Variants in LYPD6B observed in about 807,000 individuals in gnomAD.
LYPD6B encodes the protein ly6/PLAUR domain-containing protein 6B.
Under a neutral mutation model 22.8 loss-of-function variants are expected in LYPD6B, and 17 were observed. The ratio of observed to expected loss-of-function variants is 0.75; its 90% CI spans 0.51 to 1.12. LYPD6B has a LOEUF of 1.12. Among genes scored for constraint, LYPD6B ranks in the 50% most tolerant of loss-of-function variants. The pLI, the probability that LYPD6B is intolerant of heterozygous loss-of-function variation, is 0.00. For missense variants in LYPD6B, 221 were observed against 258.3 expected, an observed-to-expected ratio of 0.86 and a Z score of 0.99; for synonymous variants, 106 against 91.6, an observed-to-expected ratio of 1.16 and a Z score of -0.90.
At chr2:149,187,441 T>C (rs1385529172) in intron 3 of LYPD6B, 2 of 1,533,770 alleles carry the variant, frequency 1.3e-6, no homozygotes, top group African/African-American at 2.8e-5. Context: ...AAAGGCATTG[T>C]ACAGAAGAAG....
intron 2 of LYPD6B, among the ~76,000 whole-genome samples, chr2:149,155,443 A>G (rs1418804717): frequency 6.6e-6 from 1 of 152,248 alleles, no homozygotes; most frequent in Non-Finnish European, 1.5e-5. Flanking sequence ...CTCCCAGCCC[A>G]TCACTGCAGC....
At chr2:149,044,827 AAT>A (rs1489119883) in intron 1 of LYPD6B, among the ~76,000 whole-genome samples, 1 of 40,412 alleles carries the variant, frequency 2.5e-5, no homozygotes, top group Non-Finnish European at 7.2e-5. Context: ...GTGGATTTTG[AAT>A]TTTATTGAAT....
Position 149,178,029 on chromosome 2 carries a change from A to T in LYPD6B, c.77+17194A>T, listed in dbSNP as rs1317408633. ...AAGTATTACTGTCCTGATTTATAGAAGAGAAAATTGAGATTCCAAGAAGTA... is the reference window on the plus strand; with the variant it reads ...AAGTATTACTGTCCTGATTTATAGATGAGAAAATTGAGATTCCAAGAAGTA... On this transcript the variant is annotated intron_variant, in intron 3 of 6. Coordinates refer to ENST00000409642, the MANE Select transcript of LYPD6B (RefSeq NM_177964.5). Among the ~76,000 whole-genome samples, 3 of 152,202 alleles carry T rather than the reference A, an allele frequency of 2.0e-5. No homozygotes were observed. In the East Asian group the frequency reaches 5.8e-4, roughly 29 times the overall value.
chr2:149,174,622 C>T (rs1007347294), intron 3 of LYPD6B, among the ~76,000 whole-genome samples: 3 of 152,118 alleles, frequency 2.0e-5, no homozygotes, highest in African/African-American at 7.2e-5. Context: ...AAGGCCTTTT[C>T]TGCATCTATT....
rs969930157 is a variant in LYPD6B, at chr2:149,159,585, T to TGTGC, written c.6-1175_6-1172dup. On this transcript the variant is annotated intron_variant, in intron 2 of 6. Transcript: ENST00000409642. ...AGAACCCTGCCCGAGAGAGCATATG[T>TGTGC]GTGCGTGTGTGTGTGTGTGTGTGTG... 3.9e-5 allele frequency among the ~76,000 whole-genome samples: 4 copies of TGTGC among 102,212 alleles called. No homozygotes were observed. The South Asian group carries it at 1.1e-3, about 28-fold the overall frequency. The allele number at this position is 102,212 out of a possible 152,430, so 67.1% of individuals were successfully genotyped here.
chr2:149,096,054 GAC>G (rs751658487), intron 1 of LYPD6B, among the ~76,000 whole-genome samples: 7 of 152,134 alleles, frequency 4.6e-5, no homozygotes, highest in Non-Finnish European at 8.8e-5. Flanking sequence ...GAGAGACAGA[GAC>G]ACACACAGAG....
intron 1 of LYPD6B, among the ~76,000 whole-genome samples, chr2:149,051,255 T>C (rs1174504747): frequency 6.6e-5 from 10 of 151,950 alleles, no homozygotes; most frequent in African/African-American, 2.4e-5. Context: ...AAGCTCCGCC[T>C]CCTGGGTTCA....
chr2:149,207,443 A>G lies in LYPD6B; in HGVS notation c.230-871A>G, dbSNP rs147535384. Among the ~76,000 whole-genome samples, 69 of 152,144 alleles carry G rather than the reference A, an allele frequency of 4.5e-4. 1 individual carries two copies. The highest frequency in any genetic ancestry group is 1.4e-3 in the African/African-American group (59 of 41,508). On this transcript the variant is annotated intron_variant, in intron 4 of 6. Transcript: ENST00000409642. ...AATTGAAAGTTTTACACAGGGTCCT[A>G]TACCTGGTCTACACAGAAATGTCAA...
At chr2:149,108,505 G>A (rs1365141226) in intron 1 of LYPD6B, among the ~76,000 whole-genome samples, 1 of 152,080 alleles carries the variant, frequency 6.6e-6, no homozygotes, top group Non-Finnish European at 1.5e-5. Flanking sequence ...TAATGTTCAT[G>A]TTGTCACTCC....
chr2:149,156,503 G>A (rs1689710294), intron 2 of LYPD6B, among the ~76,000 whole-genome samples: 1 of 152,148 alleles, frequency 6.6e-6, no homozygotes, highest in Admixed American at 6.5e-5. Flanking sequence ...TCACACTTCT[G>A]GAGGCTGGAA....
At chr2:149,210,104 G>A (rs1433765849) in intron 5 of LYPD6B, among the ~76,000 whole-genome samples, 5 of 152,146 alleles carry the variant, frequency 3.3e-5, no homozygotes, top group African/African-American at 1.2e-4. Context: ...TATCTTCATG[G>A]CTCATGCTAT....
intron 3 of LYPD6B, among the ~76,000 whole-genome samples, chr2:149,167,892 T>A (rs1308227776): frequency 1.3e-5 from 2 of 152,096 alleles, no homozygotes; most frequent in African/African-American, 4.8e-5. Flanking sequence ...GAGGTTTTTT[T>A]ATGTTTTTTG....
intron 1 of LYPD6B, among the ~76,000 whole-genome samples, chr2:149,116,488 C>T (rs568288599): frequency 1.3e-5 from 2 of 152,254 alleles, no homozygotes; most frequent in Admixed American, 6.5e-5. Context: ...AGTGAGATAT[C>T]TCCTAACCCT....
rs1691015004 is a variant in LYPD6B at position 149,173,492 on chromosome 2, A to G, written c.77+12657A>G. ...TCATTCATTCAAGTAATTGATAAAA[A>G]TGTTAACTACAATAAATGACAGAGT... On this transcript the variant is annotated intron_variant, in intron 3 of 6. Coordinates refer to ENST00000409642, the MANE Select transcript of LYPD6B (RefSeq NM_177964.5). Among the ~76,000 whole-genome samples, 3 of 152,140 alleles carry G rather than the reference A, an allele frequency of 2.0e-5. 1 individual carries two copies. In the South Asian group the frequency reaches 6.2e-4, roughly 32 times the overall value.
intron 2 of LYPD6B, among the ~76,000 whole-genome samples, chr2:149,154,573 C>T (rs1689577386): frequency 6.6e-6 from 1 of 152,058 alleles, no homozygotes; most frequent in South Asian, 2.1e-4. Context: ...ATTTACCAAC[C>T]AGCTCCATCC....
intron 5 of LYPD6B, among the ~76,000 whole-genome samples, chr2:149,210,905 T>C (rs1250321811): frequency 6.6e-6 from 1 of 152,198 alleles, no homozygotes; most frequent in African/African-American, 2.4e-5. Context: ...CTTGCATTGC[T>C]ATAAAGAAAC....
At chr2:149,187,668 C>CCACTAGAATTCTGTGGG (rs1167944290) in intron 3 of LYPD6B, 1 of 620,846 alleles carries the variant, frequency 1.6e-6, no homozygotes, top group African/African-American at 1.9e-5. Context: ...ATTCTGTGGG[C>CCACTAGAATTCTGTGGG]CACATTAGAA....
chr2:149,177,797 C>T (rs180815161), intron 3 of LYPD6B, among the ~76,000 whole-genome samples: 207 of 149,540 alleles, frequency 1.4e-3, no homozygotes, highest in Admixed American at 5.4e-3. Flanking sequence ...ACTGCATCTT[C>T]TCCTTACACA....
At chr2:149,212,127 C>T (rs1276415263) in intron 5 of LYPD6B, among the ~76,000 whole-genome samples, 3 of 151,590 alleles carry the variant, frequency 2.0e-5, no homozygotes. Flanking sequence ...CCTGTAATCC[C>T]AGCACTTTGG....
Sources: gnomAD v4.1 joint callset for allele counts (sites outside exome capture counted in the v4.1 genomes callset) on GRCh38, gnomAD v4.1.1 for gene constraint, MANE v1.5 for transcripts, NCBI Gene and HGNC (gene_info 2026-07-23, HGNC 2026-07-21) for gene names.